The following STK32C variants were observed in gnomAD, a reference collection of about 807,000 sequenced individuals.
The protein encoded by STK32C is serine/threonine kinase 32C.
A neutral mutation model predicts 56.5 loss-of-function variants in STK32C; 31 were observed. The ratio of observed to expected loss-of-function variants is 0.55; its 90% confidence interval spans 0.41 to 0.74. The LOEUF is 0.74. STK32C is among the 30% of genes least tolerant of loss of function. STK32C has a pLI of 0.00. For synonymous variants in STK32C, 309 were observed against 289.4 expected, an observed-to-expected ratio of 1.07 and a Z score of -0.69; for missense variants, 544 against 676.9, an observed-to-expected ratio of 0.80 and a Z score of 2.18.
chr10:132,231,501 T>C (rs1258599708), intron 2 of STK32C, among the ~76,000 whole-genome samples: 1 of 152,214 alleles, frequency 6.6e-6, no homozygotes, highest in Non-Finnish European at 1.5e-5. Context: ...GTACTGGCAG[T>C]GCAGGGTGAG....
chr10:132,296,094 G>A (rs780688747), intron 1 of STK32C, among the ~76,000 whole-genome samples: 6 of 147,816 alleles, frequency 4.1e-5, no homozygotes, highest in Middle Eastern at 6.8e-3. Flanking sequence ...GTGTAATCTC[G>A]TATGACATCA....
intron 1 of STK32C, among the ~76,000 whole-genome samples, chr10:132,254,429 C>A (rs937173591): frequency 6.6e-6 from 1 of 151,918 alleles, no homozygotes; most frequent in Non-Finnish European, 1.5e-5. Context: ...AATAAGCCTG[C>A]CGCAGGGCGC....
At chr10:132,225,692 A>G in intron 5 of STK32C, 55 bp downstream of exon 5, 1 of 1,612,108 alleles carries the variant, frequency 6.2e-7, no homozygotes, top group Non-Finnish European at 8.5e-7. Context: ...TCCTCCCCTG[A>G]CAGGCCCATC....
intron 1 of STK32C, among the ~76,000 whole-genome samples, chr10:132,316,216 A>T (rs114957858): frequency 0.05 from 7,595 of 152,274 alleles, 224 homozygotes; most frequent in African/African-American, 0.089. Flanking sequence ...AAAAAAATTT[A>T]AAAAATAAAT....
intron 1 of STK32C, among the ~76,000 whole-genome samples, chr10:132,259,796 G>A (rs968981196): frequency 8.5e-5 from 13 of 152,228 alleles, no homozygotes; most frequent in African/African-American, 3.1e-4. Flanking sequence ...AACCATGGCC[G>A]GCATTCCGGA....
chr10:132,295,718 G>A (rs1314884338), intron 1 of STK32C, among the ~76,000 whole-genome samples: 12 of 152,040 alleles, frequency 7.9e-5, no homozygotes, highest in Admixed American at 7.2e-4. Context: ...ACTCTGTCTC[G>A]ACTAAAAATA....
At chr10:132,271,703 C>T (rs1206528797) in intron 1 of STK32C, among the ~76,000 whole-genome samples, 1 of 152,222 alleles carries the variant, frequency 6.6e-6, no homozygotes, top group East Asian at 1.9e-4. Context: ...CCAAAGCACA[C>T]ATCGGAGTGA....
intron 2 of STK32C, among the ~76,000 whole-genome samples, chr10:132,240,391 G>A (rs761289394): frequency 2.0e-5 from 3 of 152,204 alleles, no homozygotes; most frequent in Admixed American, 6.5e-5. Context: ...TTGCCATAGC[G>A]ACCACAGGCA....
chr10:132,236,337 CA>C, intron 2 of STK32C, among the ~76,000 whole-genome samples: 1 of 152,386 alleles, frequency 6.6e-6, no homozygotes, highest in East Asian at 1.9e-4. Context: ...CTGGATGCCA[CA>C]ACCTGTCATG....
At chr10:132,312,068 G>A (rs1328197622), upstream of STK32C, among the ~76,000 whole-genome samples, 1 of 152,144 alleles carries the variant, frequency 6.6e-6, no homozygotes, top group East Asian at 1.9e-4. Flanking sequence ...GTGCAGTGGT[G>A]CTATCATGGC....
chr10:132,214,154 A>G (rs573534066), intron 10 of STK32C, among the ~76,000 whole-genome samples: 1 of 152,172 alleles, frequency 6.6e-6, no homozygotes, highest in Non-Finnish European at 1.5e-5. Flanking sequence ...CACAGGATCT[A>G]AGAAGCTCAG....
Position 132,304,899 on chromosome 10 carries a change from G to A in STK32C, c.262+2673C>T, listed in dbSNP as rs560191984. Among the ~76,000 whole-genome samples, 23 of 152,320 alleles carry A rather than the reference G, an allele frequency of 1.5e-4. No homozygotes were observed. In the East Asian group the frequency reaches 3.1e-3, roughly 20 times the overall value. ...CAGGGAGGAGCTACTTCCTGCTGGCGGGCTAATGCCACGTCAGGCTGGAGA... is the reference window on the plus strand; with the variant it reads ...CAGGGAGGAGCTACTTCCTGCTGGCAGGCTAATGCCACGTCAGGCTGGAGA... On this transcript the variant is annotated intron_variant, in intron 1 of 11. Coordinates refer to ENST00000298630, the MANE Select transcript of STK32C (RefSeq NM_173575.4).
chr10:132,221,484 T>C (rs2062645250), intron 10 of STK32C, among the ~76,000 whole-genome samples: 2 of 139,596 alleles, frequency 1.4e-5, no homozygotes, highest in South Asian at 4.7e-4. Context: ...TGGGTGAGTG[T>C]GAGGGCTTCA....
chr10:132,322,173 C>T (rs551900481), downstream of STK32C, among the ~76,000 whole-genome samples: 3 of 152,204 alleles, frequency 2.0e-5, no homozygotes, highest in Non-Finnish European at 2.9e-5. Context: ...TAAAGTGAAG[C>T]ATCTTTTATA....
chr10:132,297,245 A>C (rs11818512), intron 1 of STK32C, among the ~76,000 whole-genome samples: 1 of 151,958 alleles, frequency 6.6e-6, no homozygotes, highest in Non-Finnish European at 1.5e-5. Flanking sequence ...GACATGCCCC[A>C]GCCCCTCCTC....
exon 1 of STK32C, chr10:132,331,567 G>C: frequency 1.2e-6 from 2 of 1,612,968 alleles, no homozygotes; most frequent in Non-Finnish European, 1.7e-6. Flanking sequence ...CCTGTGGGAA[G>C]TGGCTCCAGG....
At chr10:132,209,153 C>T (rs1335505514) in intron 10 of STK32C, 52 bp from the exon 11 acceptor site, 1 of 1,542,090 alleles carries the variant, frequency 6.5e-7, no homozygotes, top group Admixed American at 1.7e-5. Context: ...CAGGTTCCGC[C>T]CATGTCCCCT....
Position 132,209,077 on chromosome 10 carries a change from G to A in STK32C, c.1276C>T (p.Leu426Phe). Residue 426 changes from leucine (L) to phenylalanine (F), a missense_variant, in exon 11 of 12, where the codon CTC (leucine) becomes TTC (phenylalanine). Coordinates refer to ENST00000298630, the MANE Select transcript of STK32C (RefSeq NM_173575.4). ...ACGAAGTCTTGCTGGATGGCATCGA[G>A]GCAGTCTTGAAGATAGTCATTCTCC... Reference protein sequence around the residue: ...QSENDYLQDCLDAIQQDFVIF... With the variant: ...QSENDYLQDCFDAIQQDFVIF... The A allele has an allele frequency of 6.2e-7, 1 of 1,613,872 alleles. No individual in the cohort carries two copies. The highest frequency in any genetic ancestry group is 8.5e-7 in the Non-Finnish European group (1 of 1,179,998).
upstream of STK32C, among the ~76,000 whole-genome samples, chr10:132,310,313 C>T (rs77717356): frequency 0.093 from 14,156 of 152,224 alleles, 913 homozygotes; most frequent in African/African-American, 0.18. The surrounding 1 kb of genome is among the most constrained non-coding windows in gnomAD (Gnocchi z 4.6). Context: ...TAAGATTTGG[C>T]CAGTGCAGAT....
Sources: allele counts gnomAD v4.1 joint callset (sites outside exome capture counted in the v4.1 genomes callset), GRCh38; gene constraint gnomAD v4.1.1; non-coding constraint Gnocchi (gnomAD v3.1); transcripts MANE v1.5; gene names NCBI Gene and HGNC (gene_info 2026-07-23, HGNC 2026-07-21).